Variants in APPL1 observed in about 807,000 individuals in gnomAD.
The protein encoded by APPL1 is DCC-interacting protein 13-alpha.
APPL1 carries 42 observed loss-of-function variants against 106.8 expected under a neutral mutation model. The observed-to-expected ratio is 0.39, with a 90% CI of 0.31 to 0.51. The LOEUF (loss-of-function observed/expected upper bound fraction) is 0.51, where lower values mean the gene tolerates loss of function less well. Ranked by LOEUF, APPL1 falls within the 20% of genes least tolerant of loss-of-function variation. The probability of loss-of-function intolerance (pLI) is 0.75; values close to 1 mark genes in which losing one functional copy is unlikely to be tolerated. For missense variants in APPL1, 769 were observed against 858.2 expected (o/e 0.90, Z 1.30); for synonymous variants, 263 against 281.8 (o/e 0.93, Z 0.67).
chr3:57,257,028 C>G lies in APPL1; in HGVS notation c.1224C>G (p.His408Gln), dbSNP rs772538079. 16 of 1,614,032 alleles carry G rather than the reference C, an allele frequency of 9.9e-6. No individual in the cohort carries two copies. The African/African-American group carries it at 1.6e-4, about 16-fold the overall frequency. Residue 408 changes from histidine to glutamine, a missense_variant, in exon 14 of 22, where the codon CAC (histidine) becomes CAG (glutamine). Coordinates refer to ENST00000288266, the MANE Select transcript of APPL1 (RefSeq NM_012096.3). ...CTTCCCCATCTTTCCAGCAGAGGCA[C>G]GAGAGCCTGCGGCCAGCAGCAGGGT... ...VTPSPSFQQRHESLRPAAGQS... is the reference protein window; with the variant it reads ...VTPSPSFQQRQESLRPAAGQS...
intron 18 of APPL1, 62 bp from the exon 19 acceptor site, chr3:57,260,566 C>G (rs1181622702): frequency 6.9e-7 from 1 of 1,451,564 alleles, no homozygotes; most frequent in Non-Finnish European, 9.2e-7. Flanking sequence ...ATGAGTTTGT[C>G]ACAAGTGCTG....
Position 57,269,788 on chromosome 3 carries a change from G to T in APPL1, c.*101G>T. On this transcript the variant is annotated 3_prime_UTR_variant, in exon 22 of 22. Coordinates refer to ENST00000288266, the MANE Select transcript of APPL1 (RefSeq NM_012096.3). The stretch of plus-strand genomic sequence containing the variant: ...GTTGAAATATCAAGGAGGAGATTAA[G>T]CTTTATATTTGCTTATTTGTTGTAG... The T allele has an allele frequency of 1.5e-6, 2 of 1,318,124 alleles. No individual in the cohort carries two copies. Among genetic ancestry groups the T allele is most frequent in the Non-Finnish European group, 2.1e-6 (2 of 952,922 alleles). 81.7% of individuals were successfully genotyped at this position (1,318,124 alleles called of 1,614,324 possible). A position where few individuals can be genotyped will look rare whatever the true frequency, so the allele number is the denominator to read the frequency against.
rs867462948 is a variant in APPL1, at chr3:57,250,838, C to T, written c.1052+1290C>T. On this transcript the variant is annotated intron_variant, in intron 11 of 21. Coordinates refer to ENST00000288266, the MANE Select transcript of APPL1 (RefSeq NM_012096.3). ...TTTTTTTTTTTTTGAGACGGAGTCT[C>T]GCTCTGTCGCCCAGGCTGGAGTGCA... Among the ~76,000 whole-genome samples the T allele has an allele frequency of 1.9e-4, 24 of 124,202 alleles. 1 individual carries two copies. The highest frequency in any genetic ancestry group is 6.6e-3 in the Middle Eastern group (1 of 152). 81.5% of individuals were successfully genotyped at this position (124,202 alleles called of 152,430 possible).
chr3:57,230,004 G>C (rs2060678477), intron 1 of APPL1, among the ~76,000 whole-genome samples: 1 of 152,118 alleles, frequency 6.6e-6, no homozygotes, highest in Non-Finnish European at 1.5e-5. Context: ...GTGAGCCACT[G>C]CGCCTGGCCT....
Position 57,256,830 on chromosome 3 carries a change from T to C in APPL1, c.1153-127T>C. ...ATATTAAGACGAGGGAATATAGTACTACTTTAGTAGCTCTAATTTATATTT... is the reference window on the plus strand; with the variant it reads ...ATATTAAGACGAGGGAATATAGTACCACTTTAGTAGCTCTAATTTATATTT... On this transcript the variant is annotated intron_variant, in intron 13 of 21. Transcript: ENST00000288266. 2 of 702,594 alleles carry C rather than the reference T, an allele frequency of 2.8e-6. 1 individual carries two copies. The highest frequency in any genetic ancestry group is 6.8e-4 in the Middle Eastern group (2 of 2,944). 43.5% of individuals were successfully genotyped at this position (702,594 alleles called of 1,614,324 possible). A position where few individuals can be genotyped will look rare whatever the true frequency, so the allele number is the denominator to read the frequency against.
At chr3:57,253,598 T>A (rs1392591140) in intron 12 of APPL1, 84 bp from the exon 13 acceptor site, 2 of 1,021,744 alleles carry the variant, frequency 2.0e-6, no homozygotes, top group African/African-American at 3.4e-5. Context: ...GAAACATCTG[T>A]TGCAGTTGAG....
intron 9 of APPL1, 71 bp from the exon 10 acceptor site, chr3:57,248,122 G>T: frequency 1.4e-6 from 2 of 1,446,086 alleles, no homozygotes; most frequent in Non-Finnish European, 1.8e-6. Context: ...AAACAAATAT[G>T]CAGGTAAACA....
chr3:57,257,157 A>T (rs2060841355), intron 14 of APPL1, 89 bp from the exon 15 acceptor site: 1 of 1,552,578 alleles, frequency 6.4e-7, no homozygotes, highest in Non-Finnish European at 8.8e-7. Flanking sequence ...ATTGACTTAT[A>T]ATATTGTGTT....
At chr3:57,267,596 G>C (rs2060901447) in intron 19 of APPL1, 146 bp from the exon 20 acceptor site, 1 of 682,252 alleles carries the variant, frequency 1.5e-6, no homozygotes, top group Non-Finnish European at 2.5e-6. Context: ...CTTGGTTTGG[G>C]GGCTTGAGCA....
Position 57,257,337 on chromosome 3 carries a change from G to A in APPL1, c.1339G>A (p.Val447Ile), listed in dbSNP as rs1447199235. The A allele has an allele frequency of 6.2e-7, 1 of 1,613,890 alleles. No individual in the cohort carries two copies. Among genetic ancestry groups the A allele is most frequent in the Non-Finnish European group, 8.5e-7 (1 of 1,180,014 alleles). The change falls in exon 15 of 22, where the codon GTT (valine) becomes ATT (isoleucine). Residue 447 changes from valine to isoleucine, a missense_variant. Physicochemically the swap from Val to Ile is conservative, Grantham distance 29. Coordinates refer to ENST00000288266, the MANE Select transcript of APPL1 (RefSeq NM_012096.3). Reference protein sequence around the residue: ...NLAALSLDSLVAPDTPIQFDI... With the variant: ...NLAALSLDSLIAPDTPIQFDI... ...GGCTGCCCTCTCTCTAGATTCTCTT[G>A]TTGCCCCAGACACCCCAATACAGTT...
In APPL1 at chr3:57,259,975, T is replaced by A; in HGVS notation, c.1614T>A (p.Phe538Leu). 4 of 1,614,000 alleles carry A rather than the reference T, an allele frequency of 2.5e-6. No individual in the cohort carries two copies. The highest frequency in any genetic ancestry group is 3.4e-6 in the Non-Finnish European group (4 of 1,180,002). ...CTGCCCGGGCCATCCATAACATCTTTCGTATGACAGAATCGCATTTATTAG... is the reference window on the plus strand; with the variant it reads ...CTGCCCGGGCCATCCATAACATCTTACGTATGACAGAATCGCATTTATTAG... ...ILAARAIHNI[F>L]RMTESHLLVT... The change falls in exon 17 of 22, where the codon TTT (phenylalanine) becomes TTA (leucine). Residue 538 changes from phenylalanine to leucine, a missense_variant. Coordinates refer to ENST00000288266, the MANE Select transcript of APPL1 (RefSeq NM_012096.3).
intron 11 of APPL1, 21 bp downstream of exon 11, chr3:57,249,569 A>C: frequency 1.3e-6 from 2 of 1,535,330 alleles, no homozygotes; most frequent in Non-Finnish European, 1.7e-6. Flanking sequence ...TTTTTCTACT[A>C]CTACTAATCT....
At chr3:57,268,560 T>A in intron 21 of APPL1, 73 bp downstream of exon 21, 1 of 1,461,420 alleles carries the variant, frequency 6.8e-7, no homozygotes, top group Non-Finnish European at 9.1e-7. Context: ...ACTTTCAGAT[T>A]TGAATTTCCA....
At chr3:57,260,419 A>G (rs2060858975) in intron 18 of APPL1, 1 of 546,430 alleles carries the variant, frequency 1.8e-6, no homozygotes, top group African/African-American at 2.0e-5. Context: ...TGACTAATAA[A>G]ACAAATGTAA....
intron 11 of APPL1, among the ~76,000 whole-genome samples, chr3:57,250,669 TATA>T (rs2060798589): frequency 6.6e-6 from 1 of 152,112 alleles, no homozygotes; most frequent in South Asian, 2.1e-4. Context: ...AAAAACATGT[TATA>T]ATGGCTATTC....
At chr3:57,242,431 TTATATA>T (rs763636722) in intron 6 of APPL1, among the ~76,000 whole-genome samples, 7 of 151,048 alleles carry the variant, frequency 4.6e-5, no homozygotes, top group Non-Finnish European at 1.0e-4. Context: ...TTAATGAGTG[TTATATA>T]TATATATATT....
intron 4 of APPL1, 37 bp from the exon 5 acceptor site, chr3:57,240,428 T>C: frequency 2.0e-6 from 3 of 1,474,120 alleles, no homozygotes; most frequent in Non-Finnish European, 2.8e-6. Flanking sequence ...AATGTCTGTG[T>C]ATAGTTATTT....
chr3:57,266,823 TG>T (rs1361114022), intron 19 of APPL1, among the ~76,000 whole-genome samples: 1 of 152,222 alleles, frequency 6.6e-6, no homozygotes, highest in African/African-American at 2.4e-5. Flanking sequence ...TCTCCAATCT[TG>T]CCAGAACCAT....
intron 1 of APPL1, chr3:57,230,851 T>A: frequency 2.4e-6 from 1 of 410,156 alleles, no homozygotes; most frequent in Non-Finnish European, 4.8e-6. Context: ...CTCTGAAACC[T>A]CAAACTCCTG....
Sources: allele counts gnomAD v4.1 joint callset (sites outside exome capture counted in the v4.1 genomes callset), GRCh38; gene constraint gnomAD v4.1.1; transcripts MANE v1.5; gene names NCBI Gene and HGNC (gene_info 2026-07-23, HGNC 2026-07-21).